EBPL: variants seen among roughly 807,000 people sequenced by gnomAD.
EBPL encodes EBP like, also known as emopamil-binding protein-like.
In EBPL, 20 loss-of-function variants were observed where a neutral mutation model predicts 19.0. That is an observed-to-expected ratio of 1.05 (90% CI 0.74 to 1.53). The LOEUF (loss-of-function observed/expected upper bound fraction) is 1.53. EBPL is among the 40% of genes most tolerant of loss of function. EBPL has a pLI of 0.00. For missense variants in EBPL, 219 were observed against 261.1 expected (o/e 0.84, Z 1.11); for synonymous variants, 107 against 117.0 (o/e 0.91, Z 0.55).
rs538354977 is a variant in EBPL at position 49,686,590 on chromosome 13, T to C, written c.171+4664A>G. ...TCTCCTGGTTCGTGGTCTTTCCCAC[T>C]CTCTCCTAGGATAGATATTTTAAAA... On this transcript the variant is annotated intron_variant, in intron 1 of 3. Transcript: ENST00000242827. 6.7e-5 allele frequency: 86 copies of C among 1,289,732 alleles called. No homozygotes were observed. The African/African-American group carries it at 1.3e-3, about 19-fold the overall frequency. The allele number at this position is 1,289,732 out of a possible 1,614,324, so 79.9% of individuals were successfully genotyped here.
chr13:49,677,978 A>C (rs936475045), intron 1 of EBPL, among the ~76,000 whole-genome samples: 7 of 151,888 alleles, frequency 4.6e-5, no homozygotes, highest in Admixed American at 2.6e-4. Context: ...GCAGCAGCAA[A>C]ATTTATTGCA....
rs145027491 is a variant in EBPL, at chr13:49,661,846, T to C, written c.381-638A>G. ...TTCTTCATTACAAGATGGTGGAAAA[T>C]GGAATGCAGCTGTGCCTACTTGAAA... On this transcript the variant is annotated intron_variant, in intron 3 of 3. Transcript: ENST00000242827. 2.0e-4 allele frequency: 313 copies of C among 1,550,170 alleles called. 2 individuals carry two copies. The African/African-American group carries it at 4.0e-3, about 20-fold the overall frequency.
chr13:49,678,879 G>C (rs1953910784), intron 1 of EBPL, among the ~76,000 whole-genome samples: 1 of 151,770 alleles, frequency 6.6e-6, no homozygotes, highest in African/African-American at 2.4e-5. Flanking sequence ...GGCATGGGTG[G>C]CACGCGCCTG....
chr13:49,677,028 C>A (rs949356132), intron 1 of EBPL, among the ~76,000 whole-genome samples: 1 of 152,094 alleles, frequency 6.6e-6, no homozygotes, highest in African/African-American at 2.4e-5. Context: ...AAAATAGGAC[C>A]ATTGCAGACA....
At chr13:49,671,551 C>T (rs1165488999) in intron 1 of EBPL, among the ~76,000 whole-genome samples, 1 of 152,104 alleles carries the variant, frequency 6.6e-6, no homozygotes, top group African/African-American at 2.4e-5. Flanking sequence ...TTATTTTTAC[C>T]AGCCAATTTT....
intron 2 of EBPL, among the ~76,000 whole-genome samples, chr13:49,667,402 T>C (rs767946297): frequency 1.7e-4 from 26 of 152,250 alleles, no homozygotes; most frequent in Non-Finnish European, 3.4e-4. Context: ...AACCAGACAG[T>C]GGAGACCAGG....
chr13:49,661,974 G>C, intron 3 of EBPL: 1 of 1,463,088 alleles, frequency 6.8e-7, no homozygotes, highest in Non-Finnish European at 9.4e-7. Flanking sequence ...TAGTCTCTGA[G>C]TCTGATAGGA....
chr13:49,673,255 C>G (rs919403515), intron 1 of EBPL, among the ~76,000 whole-genome samples: 4 of 152,094 alleles, frequency 2.6e-5, no homozygotes, highest in Non-Finnish European at 5.9e-5. Context: ...ACTAAATATG[C>G]AATGACCATA....
At position 49,661,032 on chromosome 13, in the gene EBPL, T is replaced by C; in HGVS notation, c.557A>G (p.Gln186Arg). 1 of 1,614,122 alleles carries C rather than the reference T, an allele frequency of 6.2e-7. No individual in the cohort carries two copies. The highest frequency in any genetic ancestry group is 8.5e-7 in the Non-Finnish European group (1 of 1,180,014). Residue 186 changes from glutamine to arginine, a missense_variant, in exon 4 of 4, where the codon CAG (glutamine) becomes CGG (arginine). Gln to Arg is a conservative substitution (Grantham distance 43). Coordinates refer to ENST00000242827, the MANE Select transcript of EBPL (RefSeq NM_032565.5). The part of the protein sequence containing the change: ...WVLIPGLLLW[Q>R]SWLELKKMHQ... ...CATTTTCTTGAGTTCTAGCCATGAC[T>C]GCCACAGTAGCAGTCCTGGGATCAG...
At chr13:49,670,538 A>G (rs1336864052) in intron 1 of EBPL, among the ~76,000 whole-genome samples, 1 of 152,186 alleles carries the variant, frequency 6.6e-6, no homozygotes, top group East Asian at 1.9e-4. Context: ...CATTCCTTTT[A>G]AACAATCATT....
chr13:49,666,434 G>C (rs1965228295), intron 2 of EBPL, among the ~76,000 whole-genome samples: 1 of 152,148 alleles, frequency 6.6e-6, no homozygotes, highest in South Asian at 2.1e-4. Context: ...ATCCCAGCCA[G>C]GGAGGGTGGC....
chr13:49,666,806 C>T (rs958196238), intron 2 of EBPL, among the ~76,000 whole-genome samples: 1 of 149,482 alleles, frequency 6.7e-6, no homozygotes, highest in Non-Finnish European at 1.5e-5. Flanking sequence ...AAGAGCATCA[C>T]TTGAACTGGG....
chr13:49,663,214 T>C lies in EBPL; in HGVS notation c.242-19A>G. The stretch of plus-strand genomic sequence containing the variant: ...TCTTTCCCTAAAGACAAAATCCATG[T>C]TGTTACTCAAATGGCAACAATTTTT... On this transcript the variant is annotated intron_variant, in intron 2 of 3. Transcript: ENST00000242827. The C allele has an allele frequency of 6.2e-7, 1 of 1,611,548 alleles. No homozygotes were observed. The highest frequency in any genetic ancestry group is 8.5e-7 in the Non-Finnish European group (1 of 1,177,770).
At chr13:49,662,292 G>C (rs928145807) in intron 3 of EBPL, among the ~76,000 whole-genome samples, 2 of 152,012 alleles carry the variant, frequency 1.3e-5, no homozygotes, top group African/African-American at 2.4e-5. Context: ...CACCGCACCT[G>C]GTCTCTCTGC....
intron 1 of EBPL, among the ~76,000 whole-genome samples, chr13:49,688,645 A>G (rs889744407): frequency 2.0e-5 from 3 of 146,800 alleles, no homozygotes; most frequent in Non-Finnish European, 4.5e-5. Flanking sequence ...CGTGAACCCG[A>G]GAGGCGGAGC....
Position 49,673,962 on chromosome 13 carries a change from T to TACACACACACACACACACACACAC in EBPL, c.172-4140_172-4117dup, listed in dbSNP as rs56323070. 4.4e-4 allele frequency among the ~76,000 whole-genome samples: 63 copies of TACACACACACACACACACACACAC among 143,366 alleles called. 1 individual carries two copies. Among genetic ancestry groups the TACACACACACACACACACACACAC allele is most frequent in the Admixed American group, 1.2e-3 (17 of 13,870 alleles). The allele number at this position is 143,366 out of a possible 152,430, so 94.1% of individuals were successfully genotyped here. A position where few individuals can be genotyped will look rare whatever the true frequency, so the allele number is the denominator to read the frequency against. ...GTTGATACAATTATATGGAACTTAA[T>TACACACACACACACACACACACAC]ACACACACACACACACACACACACA... On this transcript the variant is annotated intron_variant, in intron 1 of 3. Transcript: ENST00000242827.
At chr13:49,679,352 G>C (rs942031) in intron 1 of EBPL, among the ~76,000 whole-genome samples, 1 of 151,934 alleles carries the variant, frequency 6.6e-6, no homozygotes, top group Non-Finnish European at 1.5e-5. Context: ...ATTCATGTTT[G>C]AGCTCAACAA....
rs145763690 is a variant in EBPL at position 49,670,687 on chromosome 13, A to C, written c.172-841T>G. ...TACTAGCAGGAAAAGCTATTGTTTG[A>C]TTGATACTCCTTCCTCTCCCGTTTC... On this transcript the variant is annotated intron_variant, in intron 1 of 3. Transcript: ENST00000242827. 5.6e-4 allele frequency among the ~76,000 whole-genome samples: 85 copies of C among 152,328 alleles called. 1 individual carries two copies. Among genetic ancestry groups the C allele is most frequent in the South Asian group, 2.5e-3 (12 of 4,832 alleles).
rs555120414 is a variant in EBPL at position 49,663,165 on chromosome 13, C to T, written c.272G>A (p.Trp91Ter). Residue 91 changes from tryptophan to a stop codon, truncating the protein, a stop_gained, in exon 3 of 4, where the codon TGG (tryptophan) becomes TAG (stop). Coordinates refer to ENST00000242827, the MANE Select transcript of EBPL (RefSeq NM_032565.5). LOFTEE classifies it high-confidence loss of function. ...CACAATGGTTGGATCAAAATAAACC[C>T]ATCTTGCATCAGCTTTGCCATATTC... is the stretch of plus-strand genomic sequence containing the variant. ...WKEYGKADARWVYFDPTIVSV... is the reference protein window; with the variant it reads ...WKEYGKADAR 8.7e-6 allele frequency: 14 copies of T among 1,614,200 alleles called. 1 individual carries two copies. The highest frequency in any genetic ancestry group is 6.7e-5 in the East Asian group (3 of 44,878).
Sources: gnomAD v4.1 joint callset for allele counts (sites outside exome capture counted in the v4.1 genomes callset) on GRCh38, gnomAD v4.1.1 for gene constraint, MANE v1.5 for transcripts, NCBI Gene and HGNC (gene_info 2026-07-23, HGNC 2026-07-21) for gene names.